The following STPG2 variants were observed in gnomAD, a reference collection of about 807,000 sequenced individuals.
STPG2 encodes sperm-tail PG-rich repeat-containing protein 2.
In STPG2, 56 loss-of-function variants were observed where a neutral mutation model predicts 54.2. The ratio of observed to expected loss-of-function variants is 1.03; its 90% CI spans 0.83 to 1.29. The LOEUF (loss-of-function observed/expected upper bound fraction) is 1.29. Ranked by LOEUF, STPG2 falls within the 50% of genes most tolerant of loss-of-function variation. The pLI is 0.00. For missense variants in STPG2, 596 were observed against 544.9 expected (o/e 1.09, Z -0.93); for synonymous variants, 200 against 181.8 (o/e 1.10, Z -0.81).
At chr4:98,125,053 G>A (rs1445492676) in intron 3 of STPG2, among the ~76,000 whole-genome samples, 4 of 152,120 alleles carry the variant, frequency 2.6e-5, no homozygotes, top group Non-Finnish European at 5.9e-5. Flanking sequence ...CTTTAAACTT[G>A]TTATTCTGGT....
intron 10 of STPG2, among the ~76,000 whole-genome samples, chr4:97,702,431 T>TTGAAA (rs1723806770): frequency 6.6e-6 from 1 of 152,186 alleles, no homozygotes; most frequent in Non-Finnish European, 1.5e-5. Context: ...ACACACCTTC[T>TTGAAA]CATGGGTCAA....
chr4:97,441,522 C>T (rs1296864387), intron 4 of STPG2: 7 of 151,880 alleles, frequency 4.6e-5, no homozygotes, highest in Non-Finnish European at 1.0e-4. Context: ...TAGATATTAC[C>T]TTTGGACTAT....
intron 8 of STPG2, among the ~76,000 whole-genome samples, chr4:97,895,231 A>G (rs938917639): frequency 3.3e-5 from 5 of 151,544 alleles, no homozygotes; most frequent in African/African-American, 4.8e-5. Flanking sequence ...TTGCTAAGAT[A>G]TTACCTTTGA....
At chr4:97,686,213 C>T (rs76364942) in intron 10 of STPG2, among the ~76,000 whole-genome samples, 9,460 of 152,038 alleles carry the variant, frequency 0.062, 371 homozygotes, top group South Asian at 0.17. Context: ...GTATGTCTTC[C>T]AAGATGCTCC....
chr4:97,835,235 C>A lies in STPG2; in HGVS notation c.1204+5538G>T, dbSNP rs1297758805. Among the ~76,000 whole-genome samples, 5 of 152,218 alleles carry A rather than the reference C, an allele frequency of 3.3e-5. No individual in the cohort carries two copies. The East Asian group carries it at 9.7e-4, about 29-fold the overall frequency. On this transcript the variant is annotated intron_variant, in intron 9 of 10. Coordinates refer to ENST00000295268, the MANE Select transcript of STPG2 (RefSeq NM_174952.3). ...ACCTTTGGTCATCCTCACTGATACA[C>A]TCCCACCAGTGCCACAACAGCTTAC...
At chr4:97,935,764 C>G (rs1390588358) in intron 8 of STPG2, among the ~76,000 whole-genome samples, 2 of 152,056 alleles carry the variant, frequency 1.3e-5, no homozygotes, top group African/African-American at 4.8e-5. Context: ...GATTTCTGTT[C>G]TTTTGCATTT....
At chr4:97,952,759 G>T (rs1182454137) in intron 7 of STPG2, among the ~76,000 whole-genome samples, 1 of 152,192 alleles carries the variant, frequency 6.6e-6, no homozygotes, top group Admixed American at 6.5e-5. Flanking sequence ...GGTGGTGGTA[G>T]TAATGAACTG....
At chr4:97,479,551 T>C (rs1189865193) in intron 4 of STPG2, among the ~76,000 whole-genome samples, 2 of 151,922 alleles carry the variant, frequency 1.3e-5, no homozygotes, top group East Asian at 3.9e-4. Context: ...TATTAAATAC[T>C]GGATTGCACA....
chr4:97,775,322 G>T (rs922133592), intron 9 of STPG2, among the ~76,000 whole-genome samples: 7 of 152,198 alleles, frequency 4.6e-5, no homozygotes, highest in African/African-American at 1.7e-4. Flanking sequence ...TGTTACATAT[G>T]TATACATGTG....
At chr4:97,457,035 A>G (rs1305314635) in intron 4 of STPG2, among the ~76,000 whole-genome samples, 1 of 152,142 alleles carries the variant, frequency 6.6e-6, no homozygotes, top group Non-Finnish European at 1.5e-5. Context: ...AGAATTGCAA[A>G]TGAAAACAAT....
intron 5 of STPG2, among the ~76,000 whole-genome samples, chr4:97,994,851 G>C (rs1278236804): frequency 6.6e-6 from 1 of 152,086 alleles, no homozygotes; most frequent in East Asian, 1.9e-4. Flanking sequence ...AGTGGATGCA[G>C]CCATAGAGCT....
At chr4:97,562,063 C>T (rs549322319) in intron 10 of STPG2, among the ~76,000 whole-genome samples, 2 of 152,232 alleles carry the variant, frequency 1.3e-5, no homozygotes, top group East Asian at 1.9e-4. Context: ...TTGATTCTTC[C>T]TACTCATGAG....
At chr4:97,545,215 A>C (rs1253268891) in intron 4 of STPG2, among the ~76,000 whole-genome samples, 2 of 152,088 alleles carry the variant, frequency 1.3e-5, no homozygotes, top group African/African-American at 4.8e-5. Context: ...AAATCATGAT[A>C]TATTCTGATT....
intron 10 of STPG2, among the ~76,000 whole-genome samples, chr4:97,676,502 T>A (rs953801074): frequency 2.7e-5 from 4 of 149,328 alleles, no homozygotes; most frequent in African/African-American, 9.9e-5. Context: ...CAACTATTTT[T>A]ATGCTAATAC....
At chr4:97,901,547 G>T (rs1425024622) in intron 8 of STPG2, among the ~76,000 whole-genome samples, 4 of 151,732 alleles carry the variant, frequency 2.6e-5, no homozygotes, top group Non-Finnish European at 5.9e-5. Flanking sequence ...CAAACTATTT[G>T]TTAAAGACAT....
intron 9 of STPG2, among the ~76,000 whole-genome samples, chr4:97,821,109 C>T (rs1728077569): frequency 2.0e-5 from 3 of 152,006 alleles, no homozygotes; most frequent in Non-Finnish European, 4.4e-5. Flanking sequence ...CACCTATGGG[C>T]CTATAAAATC....
intron 5 of STPG2, among the ~76,000 whole-genome samples, chr4:97,994,188 G>T (rs188017759): frequency 3.9e-5 from 6 of 152,022 alleles, no homozygotes; most frequent in African/African-American, 1.4e-4. Flanking sequence ...TCAGTTCAAA[G>T]AATTTTTTAA....
chr4:98,072,224 C>A (rs1189080942), intron 5 of STPG2, among the ~76,000 whole-genome samples: 3 of 152,206 alleles, frequency 2.0e-5, no homozygotes, highest in Non-Finnish European at 4.4e-5. Context: ...GAATACTACA[C>A]AGCCATAAAA....
At chr4:98,109,142 A>C in intron 4 of STPG2, 51 bp downstream of exon 4, 1 of 1,139,552 alleles carries the variant, frequency 8.8e-7, no homozygotes, top group Admixed American at 2.3e-5. Flanking sequence ...TTATTAAAAT[A>C]CTTTTCTAGT....
Sources: allele counts gnomAD v4.1 joint callset (sites outside exome capture counted in the v4.1 genomes callset), GRCh38; gene constraint gnomAD v4.1.1; transcripts MANE v1.5; gene names NCBI Gene and HGNC (gene_info 2026-07-23, HGNC 2026-07-21).